The following SLCO2A1 variants were observed in gnomAD, a reference collection of about 807,000 sequenced individuals.
SLCO2A1 encodes the protein matrin F/G 1.
In SLCO2A1, 60 loss-of-function variants were observed where a neutral mutation model predicts 71.7. That is an observed-to-expected ratio of 0.84 (90% CI 0.68 to 1.04). SLCO2A1 has a LOEUF of 1.04. Ranked by LOEUF, SLCO2A1 falls within the 50% of genes least tolerant of loss-of-function variation. The pLI is 0.00. For synonymous variants in SLCO2A1, 308 were observed against 326.7 expected (o/e 0.94, Z 0.62); for missense variants, 745 against 813.4 (o/e 0.92, Z 1.02).
At chr3:134,011,824 G>A (rs1198567031) in intron 1 of SLCO2A1, among the ~76,000 whole-genome samples, 1 of 152,204 alleles carries the variant, frequency 6.6e-6, no homozygotes, top group Non-Finnish European at 1.5e-5. Flanking sequence ...GACCTGTCTA[G>A]GATACTCCAT....
chr3:133,995,820 G>A (rs1934952208), intron 1 of SLCO2A1, among the ~76,000 whole-genome samples: 1 of 152,184 alleles, frequency 6.6e-6, no homozygotes, highest in Non-Finnish European at 1.5e-5. Flanking sequence ...GCACTCATAC[G>A]CCATAAGTGA....
chr3:133,953,098 A>G (rs1933788611), intron 5 of SLCO2A1, among the ~76,000 whole-genome samples: 1 of 151,740 alleles, frequency 6.6e-6, no homozygotes, highest in Admixed American at 6.6e-5. Flanking sequence ...GTGCAGTGGC[A>G]TGATCTCGGC....
intron 1 of SLCO2A1, among the ~76,000 whole-genome samples, chr3:133,983,044 C>A (rs745411725): frequency 6.6e-6 from 1 of 152,210 alleles, no homozygotes; most frequent in Non-Finnish European, 1.5e-5. Flanking sequence ...TCCACATACA[C>A]CTCTTACAAT....
intron 11 of SLCO2A1, among the ~76,000 whole-genome samples, chr3:133,938,829 C>A (rs1184549521): frequency 6.6e-6 from 1 of 151,900 alleles, no homozygotes; most frequent in Non-Finnish European, 1.5e-5. Flanking sequence ...AACCACCAGT[C>A]TGTGTGATTT....
chr3:133,955,190 T>C lies in SLCO2A1; in HGVS notation c.401A>G (p.Asn134Ser), dbSNP rs1933852565. 6.2e-7 allele frequency: 1 copy of C among 1,612,228 alleles called. No individual in the cohort carries two copies. The highest frequency in any genetic ancestry group is 1.1e-5 in the South Asian group (1 of 90,846). ...PYQYTLASTG[N>S]NSRLQAELCQ... is the part of the protein sequence containing the mutation. The stretch of plus-strand genomic sequence containing the variant: ...GAGCTCGGCCTGCAAGCGGCTGTTG[T>C]TCCCTGCAACGAGAGTGCTTGCTGG... Residue 134 changes from asparagine to serine, a missense_variant, in exon 4 of 14, where the codon AAC (asparagine) becomes AGC (serine). Coordinates refer to ENST00000310926, the MANE Select transcript of SLCO2A1 (RefSeq NM_005630.3).
intron 1 of SLCO2A1, among the ~76,000 whole-genome samples, chr3:134,007,522 A>G (rs183949568): frequency 2.5e-4 from 38 of 152,322 alleles, no homozygotes; most frequent in African/African-American, 8.4e-4. Flanking sequence ...TCACTATACC[A>G]TATGGATGGC....
chr3:133,986,473 G>A (rs368232554), intron 1 of SLCO2A1, among the ~76,000 whole-genome samples: 9 of 152,186 alleles, frequency 5.9e-5, no homozygotes, highest in South Asian at 2.1e-4. Context: ...GAAGCTGGCA[G>A]AGAAACCCCA....
chr3:133,947,239 C>T lies in SLCO2A1; in HGVS notation c.1295+17G>A. 2.5e-6 allele frequency: 4 copies of T among 1,609,546 alleles called. No individual in the cohort carries two copies. Among genetic ancestry groups the T allele is most frequent in the Non-Finnish European group, 2.6e-6 (3 of 1,176,366 alleles). ...GGCCTTATTAAAGGGGATCTCTCTACCCCTTATTCCCATTACCTAGGGGGG... is the reference window on the plus strand; with the variant it reads ...GGCCTTATTAAAGGGGATCTCTCTATCCCTTATTCCCATTACCTAGGGGGG... On this transcript the variant is annotated intron_variant, in intron 9 of 13. Coordinates refer to ENST00000310926, the MANE Select transcript of SLCO2A1 (RefSeq NM_005630.3).
At position 133,938,015 on chromosome 3, in the gene SLCO2A1, G is replaced by A. The variant is rs148244004; in HGVS notation, c.1690+414C>T. The stretch of plus-strand genomic sequence containing the variant: ...AGGACCCCACAGGGAAGAAACTTTT[G>A]CTAAATAGTTTTAGGAGGAGTGAAT... On this transcript the variant is annotated intron_variant, in intron 12 of 13. Transcript: ENST00000310926. Among the ~76,000 whole-genome samples, 878 of 152,324 alleles carry A rather than the reference G, an allele frequency of 5.8e-3. 17 individuals carry two copies. Among genetic ancestry groups the A allele is most frequent in the Non-Finnish European group, 5.0e-3 (337 of 68,032 alleles).
chr3:134,001,591 C>T (rs1559953739), intron 1 of SLCO2A1, among the ~76,000 whole-genome samples: 1 of 152,160 alleles, frequency 6.6e-6, no homozygotes, highest in Non-Finnish European at 1.5e-5. Flanking sequence ...CTCTCTACTC[C>T]TCAGATCAGC....
chr3:134,008,436 G>T (rs1935265064), intron 1 of SLCO2A1, among the ~76,000 whole-genome samples: 1 of 152,120 alleles, frequency 6.6e-6, no homozygotes, highest in South Asian at 2.1e-4. Context: ...TCAAAATTCA[G>T]AAACCCCTGC....
At chr3:133,999,115 C>T (rs530670180) in intron 1 of SLCO2A1, among the ~76,000 whole-genome samples, 1 of 152,320 alleles carries the variant, frequency 6.6e-6, no homozygotes, top group South Asian at 2.1e-4. Context: ...GGCTTACAGG[C>T]TCCCCCAGGG....
At chr3:134,010,865 C>A (rs907309055) in intron 1 of SLCO2A1, among the ~76,000 whole-genome samples, 1 of 151,876 alleles carries the variant, frequency 6.6e-6, no homozygotes, top group Non-Finnish European at 1.5e-5. Context: ...GGTCCCTCCT[C>A]GGACATGTGG....
chr3:134,007,200 T>G (rs1935239278), intron 1 of SLCO2A1, among the ~76,000 whole-genome samples: 1 of 152,258 alleles, frequency 6.6e-6, no homozygotes, highest in African/African-American at 2.4e-5. Flanking sequence ...AAGAACTCTT[T>G]ATATATTCTG....
At chr3:134,004,223 G>A (rs1935159977) in intron 1 of SLCO2A1, among the ~76,000 whole-genome samples, 1 of 152,158 alleles carries the variant, frequency 6.6e-6, no homozygotes. Flanking sequence ...CCCAGAACCT[G>A]TAAATAAATG....
In SLCO2A1 at chr3:133,949,019, G is replaced by A. The variant is rs753020631; in HGVS notation, c.862-48C>T. The A allele has an allele frequency of 2.6e-6, 4 of 1,513,888 alleles. No homozygotes were observed. In the East Asian group the frequency reaches 9.0e-5, roughly 34 times the overall value. 93.8% of individuals were successfully genotyped at this position (1,513,888 alleles called of 1,614,324 possible). A position where few individuals can be genotyped will look rare whatever the true frequency, so the allele number is the denominator to read the frequency against. The stretch of plus-strand genomic sequence containing the variant: ...GTGTTCACGGCCCAGGCTCACTGTA[G>A]CCACCCTTCCCTGAGCCCTTGAGTC... On this transcript the variant is annotated intron_variant, in intron 6 of 13. Coordinates refer to ENST00000310926, the MANE Select transcript of SLCO2A1 (RefSeq NM_005630.3).
At chr3:133,942,579 C>G (rs1289058410) in intron 11 of SLCO2A1, 26 bp downstream of exon 11, 19 of 1,585,746 alleles carry the variant, frequency 1.2e-5, no homozygotes, top group Non-Finnish European at 1.6e-5. Flanking sequence ...AGCCACGCCC[C>G]AGACTCACAG....
Position 134,029,834 on chromosome 3 carries a change from C to CGCGG in SLCO2A1, c.-36_-33dup. 1 of 1,329,646 alleles carries CGCGG rather than the reference C, an allele frequency of 7.5e-7. No homozygotes were observed. 82.4% of individuals were successfully genotyped at this position (1,329,646 alleles called of 1,614,324 possible). On this transcript the variant is annotated 5_prime_UTR_variant, in exon 1 of 14. Transcript: ENST00000310926. ...GGGCGGCTGGCCGGGCGCGGAGTGGCGCGGGGTCGGGGCGCCTCGGGCTGG... is the reference window on the plus strand; with the variant it reads ...GGGCGGCTGGCCGGGCGCGGAGTGGCGCGGGCGGGGTCGGGGCGCCTCGGGCTGG...
chr3:133,966,060 C>G (rs539794829), intron 3 of SLCO2A1, among the ~76,000 whole-genome samples: 1 of 152,310 alleles, frequency 6.6e-6, no homozygotes, highest in South Asian at 2.1e-4. Flanking sequence ...CTCCAGATGC[C>G]TGAGGGCAGT....
Sources: allele counts gnomAD v4.1 joint callset (sites outside exome capture counted in the v4.1 genomes callset), GRCh38; gene constraint gnomAD v4.1.1; transcripts MANE v1.5; gene names NCBI Gene and HGNC (gene_info 2026-07-23, HGNC 2026-07-21).